Variants in ADRA1B observed in about 807,000 individuals in gnomAD.
The protein encoded by ADRA1B is alpha-1B adrenergic receptor.
ADRA1B carries 17 observed loss-of-function variants against 17.9 expected under a neutral mutation model. The observed-to-expected ratio is 0.95, with a 90% CI of 0.65 to 1.42. The LOEUF is 1.42. Ranked by LOEUF, ADRA1B falls within the 40% of genes most tolerant of loss-of-function variation. The pLI, the probability that ADRA1B is intolerant of heterozygous loss-of-function variation, is 0.00. For synonymous variants in ADRA1B, 366 were observed against 327.6 expected (o/e 1.12, Z -1.27); for missense variants, 681 against 722.1 (o/e 0.94, Z 0.65).
At chr5:159,981,819 C>G in the ADRA1B span, among the ~76,000 whole-genome samples, 1 of 152,170 alleles carries the variant, frequency 6.6e-6, no homozygotes, top group Non-Finnish European at 1.5e-5. Flanking sequence ...TTTAAAAGTG[C>G]TAATTTGGGG....
At chr5:159,884,178 A>T (rs1387472658) in intron 1 of ADRA1B, among the ~76,000 whole-genome samples, 13 of 152,264 alleles carry the variant, frequency 8.5e-5, no homozygotes. Flanking sequence ...GCAAAAAATA[A>T]TTGATTGTCC....
chr5:159,876,188 AAAAAC>A (rs537692618), intron 1 of ADRA1B, among the ~76,000 whole-genome samples: 23 of 152,222 alleles, frequency 1.5e-4, no homozygotes, highest in African/African-American at 4.8e-4. Context: ...ACTCTGTCTC[AAAAAC>A]AAAACAAAAC....
At chr5:159,867,775 C>T (rs1753677252) in intron 1 of ADRA1B, 1 of 152,130 alleles carries the variant, frequency 6.6e-6, no homozygotes, top group Non-Finnish European at 1.5e-5. Context: ...TCAGAGAGTC[C>T]CTGTCATAAT....
chr5:159,951,304 T>C, intron 1 of ADRA1B: 2 of 1,338,064 alleles, frequency 1.5e-6, no homozygotes, highest in Non-Finnish European at 2.1e-6. Flanking sequence ...ATGACAAGCT[T>C]CCCTTTCTCA....
chr5:159,984,834 G>A, the ADRA1B span, among the ~76,000 whole-genome samples: 8 of 151,458 alleles, frequency 5.3e-5, no homozygotes, highest in Admixed American at 4.6e-4. Context: ...GCTTGAACCT[G>A]GGGGGCAGAG....
chr5:159,896,995 C>A (rs1271024795), intron 1 of ADRA1B, among the ~76,000 whole-genome samples: 1 of 152,154 alleles, frequency 6.6e-6, no homozygotes, highest in Non-Finnish European at 1.5e-5. Flanking sequence ...GCCTGCATAT[C>A]TTTTATTCTT....
At chr5:159,943,004 G>A (rs1755175484) in intron 1 of ADRA1B, among the ~76,000 whole-genome samples, 1 of 152,094 alleles carries the variant, frequency 6.6e-6, no homozygotes. Flanking sequence ...CTGAGGTCAG[G>A]AGTTCGAGAC....
intron 1 of ADRA1B, among the ~76,000 whole-genome samples, chr5:159,924,205 G>A (rs1416883620): frequency 1.1e-5 from 1 of 87,364 alleles, no homozygotes; most frequent in African/African-American, 2.7e-5. Flanking sequence ...TCTAAAGACT[G>A]TCTTTTCTAT....
intron 1 of ADRA1B, chr5:159,868,261 T>C (rs960199676): frequency 2.0e-5 from 3 of 152,214 alleles, no homozygotes; most frequent in Non-Finnish European, 4.4e-5. Flanking sequence ...TCAGTGCTGA[T>C]TGCTCAATGA....
chr5:159,878,289 G>C (rs1317325363), intron 1 of ADRA1B, among the ~76,000 whole-genome samples: 1 of 152,174 alleles, frequency 6.6e-6, no homozygotes, highest in Non-Finnish European at 1.5e-5. Flanking sequence ...CTGAGCACAG[G>C]GTTTGCACTG....
Position 159,917,395 on chromosome 5 carries a change from T to C in ADRA1B, c.490T>C (p.Leu164=), listed in dbSNP as rs372953525. 1 of 1,614,170 alleles carries C rather than the reference T, an allele frequency of 6.2e-7. No homozygotes were observed. ...PTLVTRRKAI[L]ALLSVWVLST... ...GCTGGTCACCCGGAGGAAGGCCATC[T>C]TGGCGCTGCTCAGTGTCTGGGTCTT... The change falls in exon 1 of 2, where the codon TTG becomes CTG. Residue 164 remains leucine (L), a synonymous_variant. Transcript: ENST00000306675.
intron 1 of ADRA1B, among the ~76,000 whole-genome samples, chr5:159,957,192 T>G (rs1322801628): frequency 6.6e-6 from 1 of 152,126 alleles, no homozygotes; most frequent in African/African-American, 2.4e-5. Flanking sequence ...GCTTTTTAAT[T>G]TACATTATTT....
In ADRA1B at chr5:159,916,726, T is replaced by C. The variant is rs1038878631; in HGVS notation, c.-180T>C. 4 of 593,440 alleles carry C rather than the reference T, an allele frequency of 6.7e-6. No homozygotes were observed. The highest frequency in any genetic ancestry group is 6.5e-5 in the Admixed American group (2 of 30,940). The allele number at this position is 593,440 out of a possible 1,614,324, so 36.8% of individuals were successfully genotyped here. ...TCCCTCTGACAGGCGAGCGAGCGACTCGGTGCAGGCAGGAGACGTGCTGCC... is the reference window on the plus strand; with the variant it reads ...TCCCTCTGACAGGCGAGCGAGCGACCCGGTGCAGGCAGGAGACGTGCTGCC... On this transcript the variant is annotated 5_prime_UTR_variant, in exon 1 of 2. Coordinates refer to ENST00000306675, the MANE Select transcript of ADRA1B (RefSeq NM_000679.4).
intron 1 of ADRA1B, among the ~76,000 whole-genome samples, chr5:159,955,438 C>G (rs143604909): frequency 6.6e-6 from 1 of 152,162 alleles, no homozygotes; most frequent in Non-Finnish European, 1.5e-5. Flanking sequence ...GGGAAATCAG[C>G]GAACAGCTGC....
chr5:159,938,842 C>A (rs565567597), intron 1 of ADRA1B, among the ~76,000 whole-genome samples: 1 of 152,174 alleles, frequency 6.6e-6, no homozygotes, highest in Non-Finnish European at 1.5e-5. Flanking sequence ...AAGTCCTCAG[C>A]GATGCCTAGA....
Position 159,916,775 on chromosome 5 carries a change from G to A in ADRA1B, c.-131G>A, listed in dbSNP as rs1754321508. The A allele has an allele frequency of 3.5e-6, 3 of 858,866 alleles. No homozygotes were observed. The highest frequency in any genetic ancestry group is 5.4e-6 in the Non-Finnish European group (3 of 558,930). The allele number at this position is 858,866 out of a possible 1,614,324, so 53.2% of individuals were successfully genotyped here. ...CCGGGCTGGGCTGCCCGGGGGAGAT[G>A]ACTCCTCGCCAGGAGGGCGCCTCTG... On this transcript the variant is annotated 5_prime_UTR_variant, in exon 1 of 2. An upstream start codon of the reference 5' UTR is lost. Transcript: ENST00000306675.
At chr5:159,891,481 T>TAAGAATGTGGCTTACCCTC (rs1753982697) in intron 1 of ADRA1B, among the ~76,000 whole-genome samples, 2 of 151,542 alleles carry the variant, frequency 1.3e-5, no homozygotes, top group East Asian at 3.9e-4. Flanking sequence ...TGGGGGAGGG[T>TAAGAATGTGGCTTACCCTC]AAGAATGTGG....
chr5:159,889,857 C>T (rs772352788), intron 1 of ADRA1B, among the ~76,000 whole-genome samples: 1 of 152,240 alleles, frequency 6.6e-6, no homozygotes, highest in Non-Finnish European at 1.5e-5. Flanking sequence ...AACATGGCTA[C>T]TATAAATTCC....
intron 1 of ADRA1B, among the ~76,000 whole-genome samples, chr5:159,893,767 G>C (rs925709229): frequency 2.6e-5 from 4 of 152,156 alleles, no homozygotes; most frequent in Admixed American, 2.0e-4. Context: ...TCATCAAAAG[G>C]CTTTTGAAAA....
Sources: gnomAD v4.1 joint callset for allele counts (sites outside exome capture counted in the v4.1 genomes callset) on GRCh38, gnomAD v4.1.1 for gene constraint, MANE v1.5 for transcripts, NCBI Gene and HGNC (gene_info 2026-07-23, HGNC 2026-07-21) for gene names.